DOCK6: variants seen among roughly 807,000 people sequenced by gnomAD.
DOCK6 encodes the protein dedicator of cytokinesis protein 6.
Under a neutral mutation model 230.3 loss-of-function variants are expected in DOCK6, and 167 were observed. That is an observed-to-expected ratio of 0.73 (90% confidence interval 0.64 to 0.82). DOCK6 has a LOEUF of 0.82. Among genes scored for constraint, DOCK6 ranks in the 40% least tolerant of loss-of-function variants. The pLI, the probability that DOCK6 is intolerant of heterozygous loss-of-function variation, is 0.00. For synonymous variants in DOCK6, 1,148 were observed against 1,185.0 expected, an observed-to-expected ratio of 0.97 and a Z score of 0.64; for missense variants, 2,598 against 2,825.8, an observed-to-expected ratio of 0.92 and a Z score of 1.83.
intron 1 of DOCK6, among the ~76,000 whole-genome samples, chr19:11,259,871 C>A (rs11085767): frequency 7.3e-6 from 1 of 137,682 alleles, no homozygotes; most frequent in Admixed American, 7.8e-5. Context: ...CCTGGGCCGC[C>A]GCGCCCGGCC....
rs1421321027 is a variant in DOCK6, at chr19:11,215,380, C to CA, written c.4106+6dup. On this transcript the variant is annotated splice_region_variant and intron_variant, in intron 32 of 47. Coordinates refer to ENST00000294618, the MANE Select transcript of DOCK6 (RefSeq NM_020812.4). The stretch of plus-strand genomic sequence containing the variant: ...AACTCAGCAGACACCCTCCTGCCCA[C>CA]ACCTACTTGTCCACGCGGTCTGAGG... 6.2e-7 allele frequency: 1 copy of CA among 1,613,234 alleles called. No individual in the cohort carries two copies. The highest frequency in any genetic ancestry group is 1.7e-5 in the Admixed American group (1 of 59,992).
At chr19:11,220,114 G>A (rs1024358282) in intron 28 of DOCK6, among the ~76,000 whole-genome samples, 10 of 151,738 alleles carry the variant, frequency 6.6e-5, no homozygotes, top group African/African-American at 2.2e-4. Flanking sequence ...CCACCACGTC[G>A]AGCTAATGTT....
intron 1 of DOCK6, among the ~76,000 whole-genome samples, chr19:11,257,514 C>T (rs1318904208): frequency 3.1e-5 from 4 of 129,428 alleles, no homozygotes; most frequent in Non-Finnish European, 4.9e-5. Context: ...AAAAGCTGGG[C>T]ACTGTGGCTT....
intron 34 of DOCK6, 55 bp from the exon 35 acceptor site, chr19:11,213,383 A>T: frequency 6.4e-7 from 1 of 1,572,912 alleles, no homozygotes; most frequent in Non-Finnish European, 8.6e-7. Flanking sequence ...TCTGGCTCAG[A>T]AGGGGACTGG....
rs200867571 is a variant in DOCK6 at position 11,217,232 on chromosome 19, G to A, written c.3710C>T (p.Thr1237Met). 4.4e-5 allele frequency: 71 copies of A among 1,611,732 alleles called. No individual in the cohort carries two copies. The highest frequency in any genetic ancestry group is 6.7e-5 in the African/African-American group (5 of 74,904). ...ATGGGGACAAGCCTCCCTACTCACC[G>A]TTGGTGGCCCCTGGGAGATGCTGGC... ...SRASISQGPP[T>M]ASRAGCALSA... The change falls in exon 29 of 48, where the codon ACG becomes ATG. Residue 1237 changes from threonine (T) to methionine (M), a missense_variant and splice_region_variant. Physicochemically the swap from Thr to Met is moderately conservative, Grantham distance 81 (BLOSUM62 -1). Transcript: ENST00000294618.
chr19:11,210,668 A>G (rs537649474), intron 37 of DOCK6, among the ~76,000 whole-genome samples: 11 of 127,696 alleles, frequency 8.6e-5, no homozygotes, highest in African/African-American at 2.8e-4. Context: ...TCGCCTGTCT[A>G]TCCCCTCATC....
rs773348791 is a variant in DOCK6 at position 11,202,231 on chromosome 19, C to CTA, written c.5452-108_5452-107dup. On this transcript the variant is annotated intron_variant, in intron 43 of 47. Transcript: ENST00000294618. The surrounding 1 kb of genome is among the most constrained non-coding windows in gnomAD (Gnocchi z 5.3). ...GGGACTTTGTCATTTCCAAGTCTTCCTATGTCTGGATGTTTGGGAATCCCC... is the reference window on the plus strand; with the variant it reads ...GGGACTTTGTCATTTCCAAGTCTTCCTATATGTCTGGATGTTTGGGAATCCCC... 40 of 1,406,818 alleles carry CTA rather than the reference C, an allele frequency of 2.8e-5. No individual in the cohort carries two copies. The highest frequency in any genetic ancestry group is 5.7e-5 in the African/African-American group (4 of 70,192). The allele number at this position is 1,406,818 out of a possible 1,614,324, so 87.1% of individuals were successfully genotyped here. A position where few individuals can be genotyped will look rare whatever the true frequency, so the allele number is the denominator to read the frequency against.
At chr19:11,230,071 A>C (rs1487146615) in intron 22 of DOCK6, among the ~76,000 whole-genome samples, 1 of 143,842 alleles carries the variant, frequency 7.0e-6, no homozygotes, top group African/African-American at 2.6e-5. Context: ...AAAAAGGAGG[A>C]TGCTGTAATC....
chr19:11,251,974 C>A (rs1568264146), intron 5 of DOCK6, 145 bp downstream of exon 5: 3 of 1,187,064 alleles, frequency 2.5e-6, no homozygotes, highest in African/African-American at 1.5e-5. Flanking sequence ...ATAATTATGA[C>A]CCCTAACTTT....
chr19:11,215,376 C>T lies in DOCK6; in HGVS notation c.4106+11G>A. ...TCTGAACTCAGCAGACACCCTCCTG[C>T]CCACACCTACTTGTCCACGCGGTCT... On this transcript the variant is annotated intron_variant, in intron 32 of 47. Coordinates refer to ENST00000294618, the MANE Select transcript of DOCK6 (RefSeq NM_020812.4). 1.9e-6 allele frequency: 3 copies of T among 1,612,806 alleles called. No individual in the cohort carries two copies. The highest frequency in any genetic ancestry group is 2.5e-6 in the Non-Finnish European group (3 of 1,179,204).
chr19:11,241,873 AG>A lies in DOCK6; in HGVS notation c.1643+171del, dbSNP rs959611985. ...GGCAGAGGATGTAGCCCCATTGGGG[AG>A]GGGTGGAGGAAGGACATGTACCCTT... On this transcript the variant is annotated intron_variant, in intron 14 of 47. Coordinates refer to ENST00000294618, the MANE Select transcript of DOCK6 (RefSeq NM_020812.4). 7 of 1,254,474 alleles carry A rather than the reference AG, an allele frequency of 5.6e-6. No homozygotes were observed. In the African/African-American group the frequency reaches 8.9e-5, roughly 16 times the overall value. 77.7% of individuals were successfully genotyped at this position (1,254,474 alleles called of 1,614,324 possible). A position where few individuals can be genotyped will look rare whatever the true frequency, so the allele number is the denominator to read the frequency against.
intron 1 of DOCK6, among the ~76,000 whole-genome samples, chr19:11,257,794 A>G (rs2080221888): frequency 6.6e-6 from 1 of 152,016 alleles, no homozygotes; most frequent in Admixed American, 6.6e-5. Context: ...GTCTCAAGAA[A>G]AAAAAAAAAT....
chr19:11,239,515 C>T, intron 14 of DOCK6: 1 of 1,225,032 alleles, frequency 8.2e-7, no homozygotes, highest in Non-Finnish European at 1.2e-6. Flanking sequence ...CGCACCACTG[C>T]CAGGCCCTTG....
chr19:11,237,541 T>C lies in DOCK6; in HGVS notation c.1988A>G (p.Gln663Arg), dbSNP rs1485578191. Residue 663 changes from glutamine (Q) to arginine (R), a missense_variant, in exon 18 of 48, where the codon CAG becomes CGG. Coordinates refer to ENST00000294618, the MANE Select transcript of DOCK6 (RefSeq NM_020812.4). ...PVGFTWIPLL[Q>R]HGRLRTGPFC... ...GGGGCCGGTCCTCAGGCGCCCGTGC[T>C]GCAGCAGTGGGATCCACTGGGGAGA... 2 of 1,593,624 alleles carry C rather than the reference T, an allele frequency of 1.3e-6. No individual in the cohort carries two copies. Among genetic ancestry groups the C allele is most frequent in the Admixed American group, 3.5e-5 (2 of 57,516 alleles).
rs535760591 is a variant in DOCK6, at chr19:11,236,186, G to C, written c.2392+160C>G. 55 of 755,172 alleles carry C rather than the reference G, an allele frequency of 7.3e-5. No individual in the cohort carries two copies. In the Admixed American group the frequency reaches 8.5e-4, roughly 12 times the overall value. The allele number at this position is 755,172 out of a possible 1,614,324, so 46.8% of individuals were successfully genotyped here. A position where few individuals can be genotyped will look rare whatever the true frequency, so the allele number is the denominator to read the frequency against. On this transcript the variant is annotated intron_variant, in intron 20 of 47. Coordinates refer to ENST00000294618, the MANE Select transcript of DOCK6 (RefSeq NM_020812.4). This position sits in a 1 kb window ranked among gnomAD's most constrained non-coding sequence, Gnocchi z 5.2. ...TGAACCGCTGCACCCGGGCCAAAGG[G>C]TCACAGAAGACCTTCTCTGGGTGCA...
intron 6 of DOCK6, 106 bp from the exon 7 acceptor site, chr19:11,248,257 C>A (rs1283809140): frequency 3.7e-6 from 3 of 817,896 alleles, no homozygotes; most frequent in Non-Finnish European, 5.7e-6. Context: ...CCTGACTAAC[C>A]GTCTTTCCAT....
rs758227328 is a variant in DOCK6 at position 11,209,117 on chromosome 19, GA to G, written c.4752-15del. ...CCCCGGGCAATTCTGGAGTCCAGGT[GA>G]GGGGGGATGTGAGGAGGGGACTCAC... On this transcript the variant is annotated splice_polypyrimidine_tract_variant and intron_variant, in intron 37 of 47. Transcript: ENST00000294618. 6.2e-7 allele frequency: 1 copy of G among 1,608,122 alleles called. No individual in the cohort carries two copies. The highest frequency in any genetic ancestry group is 1.1e-5 in the South Asian group (1 of 90,374).
chr19:11,220,142 CAG>C (rs977391338), intron 28 of DOCK6, among the ~76,000 whole-genome samples: 7 of 151,976 alleles, frequency 4.6e-5, no homozygotes, highest in Admixed American at 4.6e-4. Context: ...TTGGGACAGA[CAG>C]GGTTTTACCA....
rs1568263189 is a variant in DOCK6, at chr19:11,250,931, G to A, written c.663C>T (p.Thr221=). 6.2e-7 allele frequency: 1 copy of A among 1,611,598 alleles called. No individual in the cohort carries two copies. The highest frequency in any genetic ancestry group is 8.5e-7 in the Non-Finnish European group (1 of 1,178,026). ...APEDVDRRNE[T]LRRQHRPPAL... ...CCGGGGGCCGGTGCTGCCGTCGAAG[G>A]GTTTCATTGCGCCGGTCCACATCTT... is the stretch of plus-strand genomic sequence containing the variant. The change falls in exon 6 of 48, where the codon ACC becomes ACT. Residue 221 remains threonine, a synonymous_variant. Coordinates refer to ENST00000294618, the MANE Select transcript of DOCK6 (RefSeq NM_020812.4).
Sources: gnomAD v4.1 joint callset for allele counts (sites outside exome capture counted in the v4.1 genomes callset) on GRCh38, gnomAD v4.1.1 for gene constraint, Gnocchi (gnomAD v3.1) non-coding constraint, MANE v1.5 for transcripts, NCBI Gene and HGNC (gene_info 2026-07-23, HGNC 2026-07-21) for gene names.